TRIM44: variants seen among roughly 807,000 people sequenced by gnomAD.
TRIM44 encodes tripartite motif containing 44.
TRIM44 carries 13 observed loss-of-function variants against 37.4 expected under a neutral mutation model. That is an observed-to-expected ratio of 0.35 (90% CI 0.23 to 0.55). The LOEUF (loss-of-function observed/expected upper bound fraction) is 0.55, where lower values mean the gene tolerates loss of function less well. Among genes scored for constraint, TRIM44 ranks in the 20% least tolerant of loss-of-function variants. The pLI is 0.89. For synonymous variants in TRIM44, 175 were observed against 157.2 expected (o/e 1.11, Z -0.85); for missense variants, 426 against 437.2 (o/e 0.97, Z 0.23).
At chr11:35,771,498 G>A (rs1246539882) in intron 4 of TRIM44, among the ~76,000 whole-genome samples, 2 of 152,234 alleles carry the variant, frequency 1.3e-5, no homozygotes, top group East Asian at 3.9e-4. Context: ...GGCCAAGGTG[G>A]GCGGATTATG....
chr11:35,756,071 A>C (rs1395803128), intron 4 of TRIM44, among the ~76,000 whole-genome samples: 1 of 152,228 alleles, frequency 6.6e-6, no homozygotes, highest in Admixed American at 6.5e-5. Context: ...TGGGGATGAC[A>C]TTGAATCTAT....
chr11:35,755,974 A>T (rs1322134713), intron 4 of TRIM44, among the ~76,000 whole-genome samples: 3 of 151,732 alleles, frequency 2.0e-5, no homozygotes, highest in East Asian at 1.9e-4. Flanking sequence ...CTTAGGATTG[A>T]CTTGGCAATG....
At chr11:35,699,345 C>T (rs1463598853) in intron 2 of TRIM44, among the ~76,000 whole-genome samples, 1 of 152,080 alleles carries the variant, frequency 6.6e-6, no homozygotes, top group African/African-American at 2.4e-5. Flanking sequence ...GAACCAAAGA[C>T]AAAAATTACA....
chr11:35,695,372 T>A (rs1291579312), intron 2 of TRIM44, among the ~76,000 whole-genome samples: 1 of 152,172 alleles, frequency 6.6e-6, no homozygotes, highest in Non-Finnish European at 1.5e-5. Flanking sequence ...TTAGAGTTCA[T>A]TCATATTGTG....
intron 4 of TRIM44, among the ~76,000 whole-genome samples, chr11:35,803,506 G>A (rs1165909081): frequency 1.3e-5 from 2 of 152,034 alleles, no homozygotes; most frequent in East Asian, 1.9e-4. Flanking sequence ...TGGGGCAGGC[G>A]GAATCACAAG....
At chr11:35,719,159 A>C (rs1302093161) in intron 2 of TRIM44, among the ~76,000 whole-genome samples, 3 of 152,128 alleles carry the variant, frequency 2.0e-5, no homozygotes, top group Non-Finnish European at 4.4e-5. Context: ...AGAACTGCCA[A>C]ACTGTCTTCC....
chr11:35,759,158 T>C (rs1302076929), intron 4 of TRIM44, among the ~76,000 whole-genome samples: 2 of 152,238 alleles, frequency 1.3e-5, no homozygotes, highest in Non-Finnish European at 2.9e-5. Flanking sequence ...AGATTTGGTC[T>C]TTTCACATAG....
At chr11:35,706,504 A>C (rs1323944517) in intron 2 of TRIM44, among the ~76,000 whole-genome samples, 1 of 152,224 alleles carries the variant, frequency 6.6e-6, no homozygotes, top group East Asian at 1.9e-4. Flanking sequence ...ATCGATGCAA[A>C]AATCCTCAAT....
Position 35,663,609 on chromosome 11 carries a change from A to G in TRIM44, c.498A>G (p.Glu166=). ...ETEAESEFDP[E]IEMEAERVAK... is the part of the protein sequence containing the mutation. The stretch of plus-strand genomic sequence containing the variant: ...AGGCAGAAAGTGAATTTGACCCAGA[A>G]ATAGAAATGGAAGCAGAGAGAGTGG... The change falls in exon 1 of 5, where the codon GAA becomes GAG. Residue 166 remains glutamate, a synonymous_variant. Coordinates refer to ENST00000299413, the MANE Select transcript of TRIM44 (RefSeq NM_017583.6). The G allele has an allele frequency of 6.2e-7, 1 of 1,614,098 alleles. No homozygotes were observed.
intron 2 of TRIM44, among the ~76,000 whole-genome samples, chr11:35,716,774 G>A (rs1852043917): frequency 6.6e-6 from 1 of 152,194 alleles, no homozygotes; most frequent in South Asian, 2.1e-4. Context: ...ATCTGTAGGA[G>A]AATAATGTTG....
intron 2 of TRIM44, among the ~76,000 whole-genome samples, chr11:35,691,989 T>C (rs1322694805): frequency 6.6e-6 from 1 of 152,160 alleles, no homozygotes; most frequent in African/African-American, 2.4e-5. Context: ...GTTGTATAGG[T>C]ACTTGAAGTA....
intron 1 of TRIM44, among the ~76,000 whole-genome samples, chr11:35,670,973 T>C (rs1037803841): frequency 3.9e-5 from 6 of 152,216 alleles, no homozygotes; most frequent in African/African-American, 1.4e-4. Context: ...TCGAGTGCAA[T>C]GTACATTTAC....
At chr11:35,805,589 C>T (rs2133885755) in intron 4 of TRIM44, among the ~76,000 whole-genome samples, 1 of 152,332 alleles carries the variant, frequency 6.6e-6, no homozygotes, top group Admixed American at 6.5e-5. Flanking sequence ...GTCCATCCCT[C>T]CCTCCCTTTC....
Position 35,817,867 on chromosome 11 carries a change from A to G in TRIM44, c.*11482A>G, listed in dbSNP as rs3168051. On this transcript the variant is annotated 3_prime_UTR_variant, in exon 5 of 5. Transcript: ENST00000299413. ...CCCCCACCTTCCTTCTGCTCTGGCCATGTAAAGTGCTCACTCCCCCTTTGC... is the reference window on the plus strand; with the variant it reads ...CCCCCACCTTCCTTCTGCTCTGGCCGTGTAAAGTGCTCACTCCCCCTTTGC... 25,054 of 152,060 alleles carry G rather than the reference A, an allele frequency of 0.16. 2,250 individuals carry two copies. The highest frequency in any genetic ancestry group is 0.23 in the East Asian group (1,188 of 5,158). 9.4% of individuals were successfully genotyped at this position (152,060 alleles called of 1,614,324 possible).
chr11:35,777,008 C>T (rs1272943306), intron 4 of TRIM44, among the ~76,000 whole-genome samples: 5 of 152,188 alleles, frequency 3.3e-5, no homozygotes, highest in African/African-American at 1.2e-4. Flanking sequence ...CCTGGATATC[C>T]TTGTTAACCT....
intron 1 of TRIM44, among the ~76,000 whole-genome samples, chr11:35,671,284 T>G (rs775427939): frequency 3.9e-5 from 6 of 152,248 alleles, no homozygotes; most frequent in African/African-American, 1.4e-4. Flanking sequence ...ATATCCTTGC[T>G]CTACCATTTT....
At chr11:35,667,070 T>C (rs1405110625) in intron 1 of TRIM44, among the ~76,000 whole-genome samples, 2 of 152,232 alleles carry the variant, frequency 1.3e-5, no homozygotes, top group Admixed American at 1.3e-4. Context: ...TAGCAGTAAT[T>C]GATAACATTG....
chr11:35,782,333 A>G (rs894885606), intron 4 of TRIM44, among the ~76,000 whole-genome samples: 4 of 152,178 alleles, frequency 2.6e-5, no homozygotes, highest in East Asian at 1.9e-4. Flanking sequence ...GAAAGATCCT[A>G]TACTTATGTA....
chr11:35,705,123 TA>T (rs1851859598), intron 2 of TRIM44, among the ~76,000 whole-genome samples: 1 of 148,130 alleles, frequency 6.8e-6, no homozygotes, highest in African/African-American at 2.5e-5. Context: ...TAGTCTCTGA[TA>T]AAACAGACTT....
Sources: allele counts gnomAD v4.1 joint callset (sites outside exome capture counted in the v4.1 genomes callset), GRCh38; gene constraint gnomAD v4.1.1; transcripts MANE v1.5; gene names NCBI Gene and HGNC (gene_info 2026-07-23, HGNC 2026-07-21).